Variants in SLC1A6 observed in about 807,000 individuals in gnomAD.
SLC1A6 encodes excitatory amino acid transporter 4.
Under a neutral mutation model 42.1 loss-of-function variants are expected in SLC1A6, and 15 were observed. That is an observed-to-expected ratio of 0.36 (90% CI 0.24 to 0.55). The LOEUF (loss-of-function observed/expected upper bound fraction) is 0.55. Ranked by LOEUF, SLC1A6 falls within the 20% of genes least tolerant of loss-of-function variation. The pLI is 0.88. For missense variants in SLC1A6, 542 were observed against 772.5 expected, an observed-to-expected ratio of 0.70 and a Z score of 3.54; for synonymous variants, 317 against 319.7, an observed-to-expected ratio of 0.99 and a Z score of 0.09.
chr19:14,954,095 A>G, intron 8 of SLC1A6, 40 bp downstream of exon 8: 2 of 1,442,232 alleles, frequency 1.4e-6, no homozygotes, highest in Non-Finnish European at 1.9e-6. Flanking sequence ...ATGACCGCTT[A>G]AGTCTCACCT....
chr19:14,972,786 T>TGCAGGC lies in SLC1A6; in HGVS notation c.119_124dup (p.Arg40_Leu41dup), dbSNP rs1375091836. ...CAGCACGTGCTCGAGGGTCATGGTC[T>TGCAGGC]GCAGGCGCAGGCGCGTGCGCAGTGC... On this transcript the variant is annotated inframe_insertion, in exon 2 of 10. Transcript: ENST00000594383. 11 of 1,613,798 alleles carry TGCAGGC rather than the reference T, an allele frequency of 6.8e-6. No individual in the cohort carries two copies. Among genetic ancestry groups the TGCAGGC allele is most frequent in the Admixed American group, 6.7e-5 (4 of 59,994 alleles).
chr19:15,005,985 G>C (rs1201850380), intron 1 of SLC1A6, among the ~76,000 whole-genome samples: 1 of 152,230 alleles, frequency 6.6e-6, no homozygotes, highest in Non-Finnish European at 1.5e-5. Context: ...CGTACTTCAT[G>C]AACAAAGCAA....
In SLC1A6 at chr19:14,954,118, T is replaced by G. The variant is rs1599979677; in HGVS notation, c.1364+17A>C. The G allele has an allele frequency of 1.3e-6, 2 of 1,508,956 alleles. No individual in the cohort carries two copies. Among genetic ancestry groups the G allele is most frequent in the East Asian group, 5.1e-5 (2 of 39,220 alleles). 93.5% of individuals were successfully genotyped at this position (1,508,956 alleles called of 1,614,324 possible). On this transcript the variant is annotated intron_variant, in intron 8 of 9. Transcript: ENST00000594383. Reference sequence around the variant, plus strand: ...TTAAGTCTCACCTGCTGGCAGGTCCTACCCAAGCCCCCTCACCTGATGGTT... The same window carrying G: ...TTAAGTCTCACCTGCTGGCAGGTCCGACCCAAGCCCCCTCACCTGATGGTT...
chr19:15,000,914 G>A (rs1023785946), intron 1 of SLC1A6, among the ~76,000 whole-genome samples: 19 of 152,134 alleles, frequency 1.2e-4, no homozygotes, highest in African/African-American at 4.6e-4. Flanking sequence ...CTTTTTCTGA[G>A]AGGCACAATT....
chr19:14,972,173 G>A (rs999046215), intron 2 of SLC1A6, among the ~76,000 whole-genome samples: 2 of 151,746 alleles, frequency 1.3e-5, no homozygotes, highest in African/African-American at 2.4e-5. Context: ...ACAGGTATAG[G>A]TGTCTGTATA....
upstream of SLC1A6, chr19:15,010,628 G>C: frequency 3.1e-6 from 2 of 652,270 alleles, no homozygotes; most frequent in East Asian, 5.5e-5. Flanking sequence ...AGTGCACTTA[G>C]GCCAAGTTCC....
chr19:14,970,858 G>C (rs535801287), intron 3 of SLC1A6, among the ~76,000 whole-genome samples: 4 of 152,238 alleles, frequency 2.6e-5, no homozygotes, highest in Admixed American at 2.6e-4. Flanking sequence ...TGAGCCGGGC[G>C]TGGTGGCTCA....
intron 1 of SLC1A6, among the ~76,000 whole-genome samples, chr19:14,986,101 A>ATTTTTTTTTTT (rs34189680): frequency 6.9e-6 from 1 of 145,860 alleles, no homozygotes. Flanking sequence ...ACAAGCAGTA[A>ATTTTTTTTTTT]TTTTTTTTTT....
At chr19:15,005,034 G>A (rs1436448780) in intron 1 of SLC1A6, among the ~76,000 whole-genome samples, 1 of 152,216 alleles carries the variant, frequency 6.6e-6, no homozygotes, top group Non-Finnish European at 1.5e-5. Context: ...CAAGGCGGGA[G>A]GATTGTTTGA....
intron 1 of SLC1A6, among the ~76,000 whole-genome samples, chr19:15,002,888 A>C (rs12610304): frequency 0.53 from 80,385 of 151,490 alleles, 21,617 homozygotes; most frequent in East Asian, 0.75. Flanking sequence ...CTGAGCCATT[A>C]TTTTTGTTTG....
rs1198013374 is a variant in SLC1A6, at chr19:14,962,146, T to C, written c.791A>G (p.Asn264Ser). The change falls in exon 6 of 10, where the codon AAT becomes AGT. Residue 264 changes from asparagine (N) to serine (S), a missense_variant. Around this residue, in one of 6 missense-constraint regions of SLC1A6, gnomAD observed 298 missense variants for 419.4 expected, o/e 0.71. Coordinates refer to ENST00000594383, the MANE Select transcript of SLC1A6 (RefSeq NM_005071.3). ...EETVPVPGSA[N>S]GINALGLVVF... ...CACGAGGCCCAGGGCGTTGATGCCA[T>C]TGGCGGAGCCAGGCACGGGTACAGT... is the stretch of plus-strand genomic sequence containing the variant. 1 of 1,614,062 alleles carries C rather than the reference T, an allele frequency of 6.2e-7. No homozygotes were observed. The highest frequency in any genetic ancestry group is 1.3e-5 in the African/African-American group (1 of 74,932).
chr19:14,994,997 A>G (rs2045838233), intron 1 of SLC1A6, among the ~76,000 whole-genome samples: 1 of 152,184 alleles, frequency 6.6e-6, no homozygotes, highest in Non-Finnish European at 1.5e-5. Context: ...TCTCACTCAT[A>G]TGTGGAATCC....
intron 8 of SLC1A6, 101 bp from the exon 9 acceptor site, chr19:14,953,163 G>T (rs2045428768): frequency 2.3e-6 from 2 of 884,406 alleles, no homozygotes; most frequent in Non-Finnish European, 3.5e-6. Context: ...AGCTCCCCAA[G>T]GCATTTTAAA....
At chr19:14,987,996 C>A (rs766434991) in intron 1 of SLC1A6, among the ~76,000 whole-genome samples, 1 of 152,066 alleles carries the variant, frequency 6.6e-6, no homozygotes, top group Non-Finnish European at 1.5e-5. Context: ...GTAGCTGAGA[C>A]CACAGATGTA....
At chr19:15,003,271 C>T (rs568042035) in intron 1 of SLC1A6, among the ~76,000 whole-genome samples, 1 of 152,174 alleles carries the variant, frequency 6.6e-6, no homozygotes, top group Non-Finnish European at 1.5e-5. Context: ...AGCCACCGTG[C>T]CTGGCCTGCC....
At chr19:14,985,179 T>A (rs2045787231) in intron 1 of SLC1A6, among the ~76,000 whole-genome samples, 1 of 152,198 alleles carries the variant, frequency 6.6e-6, no homozygotes, top group African/African-American at 2.4e-5. Context: ...GTGCAAATTT[T>A]ATCATTGACA....
At chr19:15,005,465 C>T (rs968015858) in intron 1 of SLC1A6, among the ~76,000 whole-genome samples, 7 of 151,676 alleles carry the variant, frequency 4.6e-5, no homozygotes, top group East Asian at 1.9e-4. Flanking sequence ...ACCGAGATCG[C>T]GCCACTGCAC....
intron 5 of SLC1A6, among the ~76,000 whole-genome samples, chr19:14,962,573 C>G (rs978575860): frequency 3.3e-5 from 5 of 152,012 alleles, no homozygotes; most frequent in African/African-American, 1.2e-4. Context: ...ATCAGTAAAC[C>G]CATTATGAAA....
intron 1 of SLC1A6, among the ~76,000 whole-genome samples, chr19:14,975,740 C>T (rs1380708660): frequency 2.6e-5 from 3 of 116,638 alleles, no homozygotes; most frequent in Non-Finnish European, 3.4e-5. Flanking sequence ...GTGACAAAGC[C>T]AGACTTTGTC....
Sources: allele counts gnomAD v4.1 joint callset (sites outside exome capture counted in the v4.1 genomes callset), GRCh38; gene constraint gnomAD v4.1.1; regional missense constraint gnomAD v4.1.1; transcripts MANE v1.5; gene names NCBI Gene and HGNC (gene_info 2026-07-23, HGNC 2026-07-21).